Variants in PRAMEF20 observed in about 807,000 individuals in gnomAD.
PRAMEF20 encodes PRAME family member 20/21.
A neutral mutation model predicts 32.4 loss-of-function variants in PRAMEF20; 27 were observed. That is an observed-to-expected ratio of 0.83 (90% CI 0.61 to 1.15). The LOEUF (loss-of-function observed/expected upper bound fraction) is 1.15. Among genes scored for constraint, PRAMEF20 ranks in the 50% most tolerant of loss-of-function variants. PRAMEF20 has a pLI of 0.00. For synonymous variants in PRAMEF20, 256 were observed against 235.4 expected (o/e 1.09, Z -0.80); for missense variants, 604 against 584.5 (o/e 1.03, Z -0.34).
chr1:13,418,025 T>C lies in PRAMEF20; in HGVS notation c.288-97T>C, dbSNP rs907800796. ...TCCTGACCTTGTGATCCGCCCGCCT[T>C]GGCCTCCCAAAGTGCTGGGATTACA... is the stretch of plus-strand genomic sequence containing the variant. On this transcript the variant is annotated intron_variant, in intron 1 of 2. Coordinates refer to ENST00000602960, the Ensembl canonical transcript of PRAMEF20. 2.3e-5 allele frequency: 37 copies of C among 1,594,730 alleles called. No individual in the cohort carries two copies. In the South Asian group the frequency reaches 2.3e-4, roughly 10 times the overall value.
chr1:13,412,728 A>T (rs1641125704), upstream of PRAMEF20, among the ~76,000 whole-genome samples: 1 of 152,074 alleles, frequency 6.6e-6, no homozygotes, highest in African/African-American at 2.4e-5. Context: ...CTTTGAGCTT[A>T]ATTTTAAACC....
exon 2 of PRAMEF20, chr1:13,418,496 T>C: frequency 2.5e-6 from 4 of 1,613,974 alleles, no homozygotes; most frequent in Non-Finnish European, 3.4e-6. Context: ...CTGCCCGTCC[T>C]GGCAGAGTTT....
At chr1:13,418,757 G>C in intron 2 of PRAMEF20, 57 bp downstream of exon 3, 1 of 1,609,416 alleles carries the variant, frequency 6.2e-7, no homozygotes, top group Non-Finnish European at 8.5e-7. Context: ...TCTTGTTACA[G>C]GGGGCATCTA....
the PRAMEF20 span, chr1:13,410,514 T>G: frequency 6.6e-6 from 1 of 152,056 alleles, no homozygotes; most frequent in African/African-American, 2.4e-5. Flanking sequence ...CCCTGCAAAC[T>G]GAGTCCAGAT....
rs1569866587 is a variant in PRAMEF20, at chr1:13,417,323, GC to G, written c.287+683del. On this transcript the variant is annotated intron_variant, in intron 1 of 2. Transcript: ENST00000602960. ...CCTGCTGATTGGTGCATTTTATAGA[GC>G]GTTGATTGGTGCATTTTACAATCCT... Among the ~76,000 whole-genome samples the G allele has an allele frequency of 2.0e-5, 3 of 152,010 alleles. No homozygotes were observed. In the East Asian group the frequency reaches 5.8e-4, roughly 29 times the overall value.
intron 1 of PRAMEF20, among the ~76,000 whole-genome samples, chr1:13,417,386 A>G (rs1460064281): frequency 6.6e-6 from 1 of 152,030 alleles, no homozygotes; most frequent in Non-Finnish European, 1.5e-5. Context: ...TCCCCACTGG[A>G]GCCAGGAAGT....
chr1:13,411,232 G>A, the PRAMEF20 span, among the ~76,000 whole-genome samples: 39 of 152,262 alleles, frequency 2.6e-4, no homozygotes, highest in East Asian at 6.8e-3. Flanking sequence ...GGGTGGCTGA[G>A]GTGGGAGAAT....
At chr1:13,412,235 C>CTCCA (rs1206602022), upstream of PRAMEF20, among the ~76,000 whole-genome samples, 1 of 151,926 alleles carries the variant, frequency 6.6e-6, no homozygotes, top group Non-Finnish European at 1.5e-5. Flanking sequence ...CCAGGCTGGT[C>CTCCA]TCCAACTCCT....
At chr1:13,420,738 G>T in exon 3 of PRAMEF20, 1 of 1,613,856 alleles carries the variant, frequency 6.2e-7, no homozygotes, top group Non-Finnish European at 8.5e-7. Context: ...ATAACTAACT[G>T]TGTGCTTTTG....
At chr1:13,416,383 T>C in exon 1 of PRAMEF20, 1 of 1,613,374 alleles carries the variant, frequency 6.2e-7, no homozygotes, top group East Asian at 2.2e-5. Flanking sequence ...CCCAGACTCC[T>C]GGAGCTGGCG....
Position 13,417,981 on chromosome 1 carries a change from A to C in PRAMEF20, c.288-141A>C, listed in dbSNP as rs1201599659. ...AGTAGAGACGGGGTTTCACCATGCT[A>C]GCCAGGATGTTCTCGATCTCCTGAC... On this transcript the variant is annotated intron_variant, in intron 1 of 2. Transcript: ENST00000602960. The C allele has an allele frequency of 1.9e-5, 24 of 1,253,890 alleles. No homozygotes were observed. In the East Asian group the frequency reaches 3.7e-4, roughly 20 times the overall value. The allele number at this position is 1,253,890 out of a possible 1,614,324, so 77.7% of individuals were successfully genotyped here.
At chr1:13,416,758 G>A (rs1641179259) in intron 1 of PRAMEF20, 117 bp downstream of exon 2, 5 of 1,577,466 alleles carry the variant, frequency 3.2e-6, no homozygotes, top group Admixed American at 1.9e-5. Flanking sequence ...TGGTTTTGGT[G>A]AGGAAGCTTA....
At chr1:13,421,187 T>C in exon 3 of PRAMEF20, 8 of 1,613,972 alleles carry the variant, frequency 5.0e-6, no homozygotes, top group Non-Finnish European at 5.9e-6. Context: ...GATCTTGTTC[T>C]GTACCGACTA....
At chr1:13,411,662 ATGCC>A (rs1200539779), upstream of PRAMEF20, among the ~76,000 whole-genome samples, 2 of 152,152 alleles carry the variant, frequency 1.3e-5, no homozygotes, top group African/African-American at 2.4e-5. Flanking sequence ...TTTGTTTGGG[ATGCC>A]TTAGAATTTT....
At chr1:13,416,414 C>A in exon 1 of PRAMEF20, 1 of 1,613,804 alleles carries the variant, frequency 6.2e-7, no homozygotes. Context: ...TGCTGAGGGA[C>A]GAGGCCTTGG....
intron 1 of PRAMEF20, among the ~76,000 whole-genome samples, chr1:13,417,910 T>TGTGTTTGTGTGTGTG (rs1369049111): frequency 6.4e-5 from 8 of 124,216 alleles, no homozygotes; most frequent in African/African-American, 2.4e-4. Context: ...CCCGGCTAAT[T>TGTGTTTGTGTGTGTG]TGTGTGTGTG....
chr1:13,416,528 C>G lies in PRAMEF20; in HGVS notation c.174C>G (p.Ala58=), dbSNP rs777776687. ...AGGCCCTGAAGCTGATGGTGCAGGC[C>G]TGGCCTTTCCTCCGCCTTCCTCTGG... The change falls in exon 1 of 3, where the codon GCC becomes GCG. Residue 58 remains alanine, a synonymous_variant. Transcript: ENST00000602960. 14 of 1,613,994 alleles carry G rather than the reference C, an allele frequency of 8.7e-6. No individual in the cohort carries two copies. The East Asian group carries it at 3.1e-4, about 36-fold the overall frequency.
upstream of PRAMEF20, among the ~76,000 whole-genome samples, chr1:13,412,309 CA>C (rs1641122439): frequency 6.6e-6 from 1 of 152,106 alleles, no homozygotes; most frequent in African/African-American, 2.4e-5. Flanking sequence ...TGAGCCACCA[CA>C]CCTGGCCTCA....
At chr1:13,410,826 C>A in the PRAMEF20 span, among the ~76,000 whole-genome samples, 1 of 151,918 alleles carries the variant, frequency 6.6e-6, no homozygotes, top group African/African-American at 2.4e-5. Context: ...CAAGACCAAT[C>A]TGGGCAACAT....
Sources: allele counts gnomAD v4.1 joint callset (sites outside exome capture counted in the v4.1 genomes callset), GRCh38; gene constraint gnomAD v4.1.1; transcripts MANE v1.5; gene names NCBI Gene and HGNC (gene_info 2026-07-23, HGNC 2026-07-21).